Variants in SLC17A3 observed in about 807,000 individuals in gnomAD.
The protein encoded by SLC17A3 is solute carrier family 17 member 3.
Under a neutral mutation model 60.3 loss-of-function variants are expected in SLC17A3, and 61 were observed. The ratio of observed to expected loss-of-function variants is 1.01; its 90% CI spans 0.82 to 1.25. The LOEUF (loss-of-function observed/expected upper bound fraction) is 1.25, where lower values mean the gene tolerates loss of function less well. Among genes scored for constraint, SLC17A3 ranks in the 50% most tolerant of loss-of-function variants. SLC17A3 has a pLI of 0.00. For missense variants in SLC17A3, 624 were observed against 594.9 expected (o/e 1.05, Z -0.51); for synonymous variants, 192 against 208.9 (o/e 0.92, Z 0.70).
rs745318088 is a variant in SLC17A3 at position 25,850,856 on chromosome 6, C to T, written c.734G>A (p.Cys245Tyr). 2.5e-6 allele frequency: 4 copies of T among 1,614,032 alleles called. No individual in the cohort carries two copies. The South Asian group carries it at 4.4e-5, about 18-fold the overall frequency. ...YIFGGVGCVCCLLWFVVIYDD... is the reference protein window; with the variant it reads ...YIFGGVGCVCYLLWFVVIYDD... ...ATAAATCACAACAAACCAGAGAAGG[C>T]AGCAGACACAGCCAACACCTCCTGT... The change falls in exon 7 of 13, where the codon TGC becomes TAC. Residue 245 changes from cysteine (C) to tyrosine (Y), a missense_variant. Transcript: ENST00000397060.
rs1251944042 is a variant in SLC17A3 at position 25,862,293 on chromosome 6, C to T, written c.243G>A (p.Glu81=). 1.1e-5 allele frequency: 18 copies of T among 1,613,714 alleles called. No individual in the cohort carries two copies. The highest frequency in any genetic ancestry group is 1.4e-5 in the Non-Finnish European group (17 of 1,179,836). ...SPQSQLNDSS[E]VLPVDSFGGL... is the part of the protein sequence containing the mutation. ...CACCAAATGAGTCAACAGGCAGCAC[C>T]TCAGAGGAATCATTGAGCTGGGATT... Residue 81 remains glutamate, a synonymous_variant, in exon 3 of 13, where the codon GAG becomes GAA. Transcript: ENST00000397060.
At chr6:25,849,995 C>A in intron 9 of SLC17A3, 43 bp from the exon 10 acceptor site, 1 of 1,613,988 alleles carries the variant, frequency 6.2e-7, no homozygotes, top group Non-Finnish European at 8.5e-7. Flanking sequence ...GAGATGCATT[C>A]TTTGGCTGTT....
At chr6:25,865,555 C>T (rs543048652) in intron 2 of SLC17A3, among the ~76,000 whole-genome samples, 1 of 151,950 alleles carries the variant, frequency 6.6e-6, no homozygotes, top group African/African-American at 2.4e-5. Context: ...AGGGTATCAG[C>T]AAACCAAGAG....
intron 5 of SLC17A3, among the ~76,000 whole-genome samples, chr6:25,858,626 C>G (rs1765398212): frequency 1.3e-5 from 2 of 152,100 alleles, no homozygotes; most frequent in African/African-American, 4.8e-5. Flanking sequence ...CATCTATGTT[C>G]TTTCTCTAGG....
intron 2 of SLC17A3, 96 bp from the exon 3 acceptor site, chr6:25,862,540 G>T: frequency 3.1e-6 from 3 of 973,444 alleles, no homozygotes; most frequent in Non-Finnish European, 4.9e-6. Context: ...ATCACTTAAC[G>T]ATTTAAATCA....
rs1464182243 is a variant in SLC17A3 at position 25,861,659 on chromosome 6, T to G, written c.590A>C (p.Gln197Pro). 1 of 1,614,098 alleles carries G rather than the reference T, an allele frequency of 6.2e-7. No homozygotes were observed. The highest frequency in any genetic ancestry group is 1.1e-5 in the South Asian group (1 of 91,084). The part of the protein sequence containing the change: ...FAIWEKWGPP[Q>P]ERSRLCSIAL... ...AATGCTGCAGAGTCTGCTTCGTTCT[T>G]GTGGAGGGCCCCACTTTTCCCAAAT... Residue 197 changes from glutamine to proline, a missense_variant, in exon 5 of 13, where the codon CAA becomes CCA. Transcript: ENST00000397060.
Position 25,850,066 on chromosome 6 carries a change from T to C in SLC17A3, c.1105A>G (p.Lys369Glu). The change falls in exon 9 of 13, where the codon AAA becomes GAA. Residue 369 changes from lysine to glutamate, a missense_variant. Coordinates refer to ENST00000397060, the MANE Select transcript of SLC17A3 (RefSeq NM_001098486.2). ...TKKFRLITVRKIATILGSLPS... is the reference protein window; with the variant it reads ...TKKFRLITVREIATILGSLPS... Reference sequence around the variant, plus strand: ...TTCTTACCTAAAATTGTGGCAATTTTCCTCACAGTGATGAGTCTAAACTTT... The same window carrying C: ...TTCTTACCTAAAATTGTGGCAATTTCCCTCACAGTGATGAGTCTAAACTTT... 1 of 1,614,018 alleles carries C rather than the reference T, an allele frequency of 6.2e-7. No homozygotes were observed. Among genetic ancestry groups the C allele is most frequent in the Admixed American group, 1.7e-5 (1 of 60,014 alleles).
chr6:25,848,382 A>AACAATGGCCAACC (rs1765213439), intron 11 of SLC17A3, among the ~76,000 whole-genome samples: 1 of 152,178 alleles, frequency 6.6e-6, no homozygotes, highest in Admixed American at 6.5e-5. Flanking sequence ...CCAGGCCAAC[A>AACAATGGCCAACC]ACAATGGCCA....
At chr6:25,872,278 A>C (rs947355954) in intron 1 of SLC17A3, among the ~76,000 whole-genome samples, 2 of 149,918 alleles carry the variant, frequency 1.3e-5, no homozygotes, top group African/African-American at 2.5e-5. Flanking sequence ...CTCTGAATTC[A>C]GTAATGTCAT....
chr6:25,855,092 A>G, intron 6 of SLC17A3, 52 bp downstream of exon 6: 1 of 1,128,076 alleles, frequency 8.9e-7, no homozygotes, highest in Non-Finnish European at 1.4e-6. Context: ...ATACTTACTG[A>G]GGAGAATCTT....
At chr6:25,868,103 A>T (rs1765568377) in intron 2 of SLC17A3, among the ~76,000 whole-genome samples, 194 bp downstream of exon 2, 1 of 151,990 alleles carries the variant, frequency 6.6e-6, no homozygotes, top group Admixed American at 6.6e-5. Flanking sequence ...ACAGATTGAA[A>T]GATAACTGTC....
At chr6:25,870,458 G>C (rs1192887586) in intron 1 of SLC17A3, among the ~76,000 whole-genome samples, 1 of 151,984 alleles carries the variant, frequency 6.6e-6, no homozygotes, top group Non-Finnish European at 1.5e-5. Context: ...TGACTCTATT[G>C]CTGTGAGACT....
rs200308750 is a variant in SLC17A3, at chr6:25,849,426, G to A, written c.1310C>T (p.Ser437Leu). 7.2e-5 allele frequency: 116 copies of A among 1,612,894 alleles called. No homozygotes were observed. The African/African-American group carries it at 9.9e-4, about 14-fold the overall frequency. The change falls in exon 11 of 13, where the codon TCG becomes TTG. Residue 437 changes from serine to leucine, a missense_variant. Transcript: ENST00000397060. The stretch of plus-strand genomic sequence containing the variant: ...GGGTACAATGACAGGTGCTATGCTC[G>A]AAAATCCTCTTGATGCTCCCATGAG... ...SFLMGASRGF[S>L]SIAPVIVPTV...
rs950827205 is a variant in SLC17A3, at chr6:25,850,540, G to A, written c.912C>T (p.Phe304=). ...TTGTGCTAACTAACCATTGATGGCT[G>A]AAACAGCCTAAACATATGGACCAAA... The part of the protein sequence containing the change: ...LPIWSICLGC[F]SHQWLVSTMV... The change falls in exon 8 of 13, where the codon TTC becomes TTT. Residue 304 remains phenylalanine (F), a synonymous_variant. Coordinates refer to ENST00000397060, the MANE Select transcript of SLC17A3 (RefSeq NM_001098486.2). The A allele has an allele frequency of 6.2e-7, 1 of 1,613,872 alleles. No individual in the cohort carries two copies. The highest frequency in any genetic ancestry group is 2.2e-5 in the East Asian group (1 of 44,876).
intron 5 of SLC17A3, 59 bp downstream of exon 5, chr6:25,861,565 A>G: frequency 1.4e-6 from 2 of 1,397,148 alleles, no homozygotes; most frequent in East Asian, 2.3e-5. Flanking sequence ...AAAGTTGTCA[A>G]GGAACCCAGT....
intron 6 of SLC17A3, among the ~76,000 whole-genome samples, chr6:25,851,413 T>A (rs1226834383): frequency 6.6e-6 from 1 of 152,180 alleles, no homozygotes; most frequent in Non-Finnish European, 1.5e-5. Flanking sequence ...TTTGATGAAA[T>A]CCAATTTATC....
intron 2 of SLC17A3, 92 bp from the exon 3 acceptor site, chr6:25,862,536 T>TA (rs1295121511): frequency 2.0e-6 from 2 of 1,010,208 alleles, no homozygotes. Flanking sequence ...CCTGATCACT[T>TA]AACGATTTAA....
intron 5 of SLC17A3, among the ~76,000 whole-genome samples, chr6:25,857,188 CAAA>C (rs947983410): frequency 7.4e-6 from 1 of 134,588 alleles, no homozygotes. Context: ...GACCTTATCT[CAAA>C]AAAAAAAAAA....
chr6:25,867,457 C>T (rs1347544722), intron 2 of SLC17A3, among the ~76,000 whole-genome samples: 2 of 151,984 alleles, frequency 1.3e-5, no homozygotes, highest in African/African-American at 4.8e-5. Context: ...CTTTGCCTCA[C>T]AATTTTCATT....
Sources: gnomAD v4.1 joint callset for allele counts (sites outside exome capture counted in the v4.1 genomes callset) on GRCh38, gnomAD v4.1.1 for gene constraint, MANE v1.5 for transcripts, NCBI Gene and HGNC (gene_info 2026-07-23, HGNC 2026-07-21) for gene names.